Variants in NPSR1 observed in about 807,000 individuals in gnomAD.
NPSR1 encodes neuropeptide S receptor.
NPSR1 carries 48 observed loss-of-function variants against 46.9 expected under a neutral mutation model. The ratio of observed to expected loss-of-function variants is 1.02; its 90% confidence interval spans 0.81 to 1.30. NPSR1 has a LOEUF of 1.30. NPSR1 is among the 50% of genes most tolerant of loss of function. The probability of loss-of-function intolerance (pLI) is 0.00; values close to 1 mark genes in which losing one functional copy is unlikely to be tolerated. For missense variants in NPSR1, 450 were observed against 449.5 expected (o/e 1.00, Z -0.01); for synonymous variants, 176 against 168.1 (o/e 1.05, Z -0.36).
chr7:34,706,964 C>A (rs1410676847), intron 2 of NPSR1, among the ~76,000 whole-genome samples: 5 of 151,760 alleles, frequency 3.3e-5, no homozygotes, highest in Non-Finnish European at 5.9e-5. Context: ...CTGGGTGGGC[C>A]ATGTTCATTG....
chr7:34,798,498 A>G (rs1348183312), intron 3 of NPSR1, among the ~76,000 whole-genome samples: 7 of 152,098 alleles, frequency 4.6e-5, no homozygotes, highest in African/African-American at 1.7e-4. Context: ...TTGTACCACT[A>G]CACTCCAGCC....
At chr7:34,664,414 T>C (rs1307465237) in intron 1 of NPSR1, among the ~76,000 whole-genome samples, 1 of 152,168 alleles carries the variant, frequency 6.6e-6, no homozygotes, top group African/African-American at 2.4e-5. Flanking sequence ...TCATTATTCA[T>C]AATTAGAGTC....
chr7:34,746,435 A>G (rs976058277), intron 2 of NPSR1, among the ~76,000 whole-genome samples: 1 of 152,180 alleles, frequency 6.6e-6, no homozygotes, highest in African/African-American at 2.4e-5. Context: ...TGCCTGATTT[A>G]TAAATTAAAT....
chr7:34,825,281 G>A (rs1383626840), intron 4 of NPSR1, among the ~76,000 whole-genome samples: 1 of 152,144 alleles, frequency 6.6e-6, no homozygotes, highest in Non-Finnish European at 1.5e-5. Flanking sequence ...ATATGGCCAT[G>A]GCCCTCATCC....
chr7:34,824,009 T>C (rs982888822), intron 4 of NPSR1, among the ~76,000 whole-genome samples: 1 of 152,148 alleles, frequency 6.6e-6, no homozygotes, highest in Non-Finnish European at 1.5e-5. Context: ...AAAATGCCAC[T>C]TGTACAAGTT....
chr7:34,836,518 G>T (rs561662862), intron 6 of NPSR1, among the ~76,000 whole-genome samples: 1 of 152,106 alleles, frequency 6.6e-6, no homozygotes, highest in South Asian at 2.1e-4. Context: ...TCATATATTA[G>T]ATTGTTGTAT....
intron 2 of NPSR1, among the ~76,000 whole-genome samples, chr7:34,690,076 A>C (rs1357275831): frequency 6.6e-6 from 1 of 152,162 alleles, no homozygotes; most frequent in African/African-American, 2.4e-5. Context: ...GCCTCCTCAC[A>C]TACCCAGTAC....
chr7:34,803,727 A>G, intron 3 of NPSR1, among the ~76,000 whole-genome samples: 1 of 150,190 alleles, frequency 6.7e-6, no homozygotes, highest in East Asian at 1.9e-4. Flanking sequence ...TAGTAATAAA[A>G]TAAAATTTAA....
chr7:34,675,574 G>T (rs1019580812), intron 1 of NPSR1, among the ~76,000 whole-genome samples: 2 of 152,162 alleles, frequency 1.3e-5, no homozygotes, highest in African/African-American at 4.8e-5. Flanking sequence ...CACCTTCTAC[G>T]GGCCAGACAG....
intron 8 of NPSR1, chr7:34,871,607 T>C (rs1032175648): frequency 1.3e-5 from 2 of 151,874 alleles, no homozygotes; most frequent in Non-Finnish European, 2.9e-5. Flanking sequence ...ACAAGTTATT[T>C]GCTTCCAAGA....
At chr7:34,827,638 T>TGGGGGGGGGGGG in intron 5 of NPSR1, 36 bp downstream of exon 5, 6 of 179,974 alleles carry the variant, frequency 3.3e-5, no homozygotes, top group East Asian at 2.7e-4. Flanking sequence ...CACGGGGGGG[T>TGGGGGGGGGGGG]GGGGCGGGGG....
intron 8 of NPSR1, chr7:34,849,258 C>T (rs183330683): frequency 6.1e-5 from 63 of 1,035,220 alleles, no homozygotes; most frequent in Admixed American, 8.1e-5. Context: ...TTATTCGTAG[C>T]GATGTGTGAC....
At chr7:34,679,828 T>A (rs1792525946) in intron 1 of NPSR1, among the ~76,000 whole-genome samples, 1 of 152,122 alleles carries the variant, frequency 6.6e-6, no homozygotes, top group African/African-American at 2.4e-5. Flanking sequence ...TAAATAATAA[T>A]ATGCAACAGT....
At chr7:34,758,397 C>G (rs1248419643) in intron 2 of NPSR1, 1 of 152,186 alleles carries the variant, frequency 6.6e-6, no homozygotes, top group African/African-American at 2.4e-5. Flanking sequence ...AAAGCCTATA[C>G]TGGTCTGAAC....
chr7:34,694,639 C>T (rs323928), intron 2 of NPSR1, among the ~76,000 whole-genome samples: 58,296 of 152,062 alleles, frequency 0.38, 11,641 homozygotes, highest in Middle Eastern at 0.46. Flanking sequence ...ATTACAAATG[C>T]CATTTTTCAG....
intron 2 of NPSR1, among the ~76,000 whole-genome samples, chr7:34,720,435 A>G (rs1562676751): frequency 2.0e-5 from 3 of 152,310 alleles, no homozygotes; most frequent in East Asian, 3.9e-4. Context: ...ACTTTCTGGA[A>G]GAGAAAACAA....
intron 2 of NPSR1, among the ~76,000 whole-genome samples, chr7:34,755,576 G>C (rs1785787665): frequency 6.6e-6 from 1 of 152,064 alleles, no homozygotes; most frequent in Non-Finnish European, 1.5e-5. Flanking sequence ...GTGGGCATTT[G>C]GGTCATTTCC....
intron 2 of NPSR1, among the ~76,000 whole-genome samples, chr7:34,745,039 C>G (rs34951440): frequency 6.6e-6 from 1 of 152,282 alleles, no homozygotes; most frequent in Middle Eastern, 3.4e-3. Flanking sequence ...TATGCAAACA[C>G]AGCATCATTT....
intron 3 of NPSR1, among the ~76,000 whole-genome samples, chr7:34,807,975 C>CAAA (rs1788793066): frequency 6.7e-6 from 1 of 150,228 alleles, no homozygotes; most frequent in African/African-American, 2.4e-5. Flanking sequence ...GGGAACTTCA[C>CAAA]AAATGTAATC....
Sources: gnomAD v4.1 joint callset for allele counts (sites outside exome capture counted in the v4.1 genomes callset) on GRCh38, gnomAD v4.1.1 for gene constraint, MANE v1.5 for transcripts, NCBI Gene and HGNC (gene_info 2026-07-23, HGNC 2026-07-21) for gene names.